Variants in CH25H observed in about 807,000 individuals in gnomAD.
CH25H encodes cholesterol 25-monooxygenase.
In CH25H, 10 loss-of-function variants were observed where a neutral mutation model predicts 16.6. The observed-to-expected ratio is 0.60, with a 90% CI of 0.37 to 1.02. The LOEUF is 1.02. Among genes scored for constraint, CH25H ranks in the 50% least tolerant of loss-of-function variants. CH25H has a pLI of 0.01. For missense variants in CH25H, 326 were observed against 344.7 expected, an observed-to-expected ratio of 0.95 and a Z score of 0.43; for synonymous variants, 178 against 158.8, an observed-to-expected ratio of 1.12 and a Z score of -0.91.
rs1343304336 is a variant in CH25H, at chr10:89,206,391, AATAT to A, written c.*79_*82del. 3.1e-5 allele frequency: 33 copies of A among 1,068,248 alleles called. No individual in the cohort carries two copies. Among genetic ancestry groups the A allele is most frequent in the Non-Finnish European group, 4.2e-5 (31 of 743,942 alleles). The allele number at this position is 1,068,248 out of a possible 1,614,324, so 66.2% of individuals were successfully genotyped here. ...AGCAATAAGTTAGTTGCTTTAAAAA[AATAT>A]ATAGCTCAGGTGTTTCTCTTCATTC... On this transcript the variant is annotated 3_prime_UTR_variant, in exon 1 of 1. Coordinates refer to ENST00000371852, the MANE Select transcript of CH25H (RefSeq NM_003956.4).
rs1272002331 is a variant in CH25H, at chr10:89,206,795, C to A, written c.498G>T (p.Ser166=). The A allele has an allele frequency of 1.2e-6, 2 of 1,614,092 alleles. No homozygotes were observed. Among genetic ancestry groups the A allele is most frequent in the African/African-American group, 2.7e-5 (2 of 74,934 alleles). The part of the protein sequence containing the change: ...FHKVHHQNSS[S]FALATQYMSV... Reference sequence around the variant, plus strand: ...TCATATACTGCGTTGCCAGCGCGAACGAGGACGAGTTCTGGTGGTGCACCT... The same window carrying A: ...TCATATACTGCGTTGCCAGCGCGAAAGAGGACGAGTTCTGGTGGTGCACCT... Residue 166 remains serine, a synonymous_variant, in exon 1 of 1, where the codon TCG becomes TCT. Coordinates refer to ENST00000371852, the MANE Select transcript of CH25H (RefSeq NM_003956.4).
chr10:89,206,201 T>C lies in CH25H; in HGVS notation c.*273A>G, dbSNP rs544674398. On this transcript the variant is annotated 3_prime_UTR_variant, in exon 1 of 1. Coordinates refer to ENST00000371852, the MANE Select transcript of CH25H (RefSeq NM_003956.4). ...TTTAGAGATATTCTAAATATGCCAG[T>C]GATGAATGTCTAATTCATATGCAGG... 60 of 382,780 alleles carry C rather than the reference T, an allele frequency of 1.6e-4. No homozygotes were observed. The highest frequency in any genetic ancestry group is 1.1e-3 in the African/African-American group (57 of 49,796). 23.7% of individuals were successfully genotyped at this position (382,780 alleles called of 1,614,324 possible).
In CH25H at chr10:89,206,220, A is replaced by G. The variant is rs770492300; in HGVS notation, c.*254T>C. ...TGCCAGTGATGAATGTCTAATTCAT[A>G]TGCAGGATTCAAGGCTATTGAGGTG... On this transcript the variant is annotated 3_prime_UTR_variant, in exon 1 of 1. Coordinates refer to ENST00000371852, the MANE Select transcript of CH25H (RefSeq NM_003956.4). 1.1e-5 allele frequency: 5 copies of G among 450,302 alleles called. No homozygotes were observed. Among genetic ancestry groups the G allele is most frequent in the Non-Finnish European group, 1.6e-5 (4 of 248,702 alleles). The allele number at this position is 450,302 out of a possible 1,614,324, so 27.9% of individuals were successfully genotyped here.
In CH25H at chr10:89,206,781, G is replaced by C; in HGVS notation, c.512C>G (p.Thr171Arg). Residue 171 changes from threonine to arginine, a missense_variant, in exon 1 of 1, where the codon ACG becomes AGG. Physicochemically the swap from Thr to Arg is moderately conservative, Grantham distance 71. Transcript: ENST00000371852. ...CAGTTCCCAGACGCTCATATACTGC[G>C]TTGCCAGCGCGAACGAGGACGAGTT... is the stretch of plus-strand genomic sequence containing the variant. ...HQNSSSFALA[T>R]QYMSVWELFS... The C allele has an allele frequency of 6.2e-7, 1 of 1,614,246 alleles. No individual in the cohort carries two copies. Among genetic ancestry groups the C allele is most frequent in the Non-Finnish European group, 8.5e-7 (1 of 1,180,028 alleles).
At position 89,206,873 on chromosome 10, in the gene CH25H, G is replaced by C. The variant is rs147897046; in HGVS notation, c.420C>G (p.Phe140Leu). The change falls in exon 1 of 1, where the codon TTC becomes TTG. Residue 140 changes from phenylalanine to leucine, a missense_variant. Transcript: ENST00000371852. Reference protein sequence around the residue: ...FCLLLFDMEFFVWHLLHHKVP... With the variant: ...FCLLLFDMEFLVWHLLHHKVP... ...CCTTGTGGTGCAGCAGGTGCCACAC[G>C]AAGAACTCCATGTCGAAGAGTAGCA... 6.2e-6 allele frequency: 10 copies of C among 1,614,246 alleles called. No individual in the cohort carries two copies. The South Asian group carries it at 1.1e-4, about 18-fold the overall frequency.
chr10:89,207,020 G>T lies in CH25H; in HGVS notation c.273C>A (p.Thr91=). The T allele has an allele frequency of 6.2e-7, 1 of 1,614,170 alleles. No individual in the cohort carries two copies. The highest frequency in any genetic ancestry group is 8.5e-7 in the Non-Finnish European group (1 of 1,180,028). Residue 91 remains threonine (T), a synonymous_variant, in exon 1 of 1, where the codon ACC becomes ACA. Transcript: ENST00000371852. ...AQQLLPCLGQ[T]LYQHVMFVFP... ...ACACAAACATCACATGCTGGTAGAG[G>T]GTCTGCCCCAGGCAAGGTAGCAGCT...
Position 89,206,485 on chromosome 10 carries a change from G to GGACAGATGCAGTCCGCA in CH25H, c.791_807dup (p.Pro270CysfsTer28). On this transcript the variant is annotated frameshift_variant, in exon 1 of 1. Coordinates refer to ENST00000371852, the MANE Select transcript of CH25H (RefSeq NM_003956.4). LOFTEE classifies it high-confidence loss of function. Reference sequence around the variant, plus strand: ...CCACCGCAGCCACATCACCGCGCTGGGACAGATGCAGTCCGCAGCGTTCCC... The same window carrying GGACAGATGCAGTCCGCA: ...CCACCGCAGCCACATCACCGCGCTGGGACAGATGCAGTCCGCAGACAGATGCAGTCCGCAGCGTTCCC... 6.2e-7 allele frequency: 1 copy of GGACAGATGCAGTCCGCA among 1,608,826 alleles called. No homozygotes were observed. Among genetic ancestry groups the GGACAGATGCAGTCCGCA allele is most frequent in the Non-Finnish European group, 8.5e-7 (1 of 1,177,098 alleles).
At position 89,207,040 on chromosome 10, in the gene CH25H, G is replaced by C; in HGVS notation, c.253C>G (p.Leu85Val). 2 of 1,614,138 alleles carry C rather than the reference G, an allele frequency of 1.2e-6. No individual in the cohort carries two copies. The highest frequency in any genetic ancestry group is 1.7e-6 in the Non-Finnish European group (2 of 1,180,002). Residue 85 changes from leucine (L) to valine (V), a missense_variant, in exon 1 of 1, where the codon CTA becomes GTA. By Grantham distance (32) the Leu-to-Val change is conservative. Transcript: ENST00000371852. ...TAGAGGGTCTGCCCCAGGCAAGGTA[G>C]CAGCTGCTGCGCGGATGGCGAGAAG... ...PDFSPSAQQL[L>V]PCLGQTLYQH... is the part of the protein sequence containing the mutation.
rs1177793395 is a variant in CH25H at position 89,207,147 on chromosome 10, A to T, written c.146T>A (p.Val49Glu). ...GACCACGAAGGGCAGGCAAAAGCCC[A>T]CGTATGTGGTGATGGAGAAGATGAC... is the stretch of plus-strand genomic sequence containing the variant. ...FPVIFSITTYVGFCLPFVVLD... is the reference protein window; with the variant it reads ...FPVIFSITTYEGFCLPFVVLD... The change falls in exon 1 of 1, where the codon GTG becomes GAG. Residue 49 changes from valine (V) to glutamate (E), a missense_variant. Coordinates refer to ENST00000371852, the MANE Select transcript of CH25H (RefSeq NM_003956.4). 2 of 1,613,246 alleles carry T rather than the reference A, an allele frequency of 1.2e-6. No homozygotes were observed. The highest frequency in any genetic ancestry group is 2.2e-5 in the East Asian group (1 of 44,882).
Position 89,206,937 on chromosome 10 carries a change from G to A in CH25H, c.356C>T (p.Pro119Leu). 6.2e-7 allele frequency: 1 copy of A among 1,614,190 alleles called. No individual in the cohort carries two copies. Among genetic ancestry groups the A allele is most frequent in the Non-Finnish European group, 8.5e-7 (1 of 1,180,020 alleles). ...GTGGTGCAGCAGCAGGAGCAGCTCG[G>A]GAGCTTCGTGGGGCAGGAGGGCCGG... ...RSPALLPHEAPELLLLLHHIL... is the reference protein window; with the variant it reads ...RSPALLPHEALELLLLLHHIL... The change falls in exon 1 of 1, where the codon CCC (proline) becomes CTC (leucine). Residue 119 changes from proline to leucine, a missense_variant. Transcript: ENST00000371852.
Position 89,207,003 on chromosome 10 carries a change from A to T in CH25H, c.290T>A (p.Met97Lys). 3 of 1,614,112 alleles carry T rather than the reference A, an allele frequency of 1.9e-6. No homozygotes were observed. The highest frequency in any genetic ancestry group is 2.5e-6 in the Non-Finnish European group (3 of 1,180,000). Residue 97 changes from methionine to lysine, a missense_variant, in exon 1 of 1, where the codon ATG becomes AAG. Transcript: ENST00000371852. ...CAGCAGCGTCACGGGGAACACAAAC[A>T]TCACATGCTGGTAGAGGGTCTGCCC... is the stretch of plus-strand genomic sequence containing the variant. ...CLGQTLYQHV[M>K]FVFPVTLLHW...
rs1842510559 is a variant in CH25H, at chr10:89,206,857, G to T, written c.436C>A (p.His146Asn). Residue 146 changes from histidine to asparagine, a missense_variant, in exon 1 of 1, where the codon CAC becomes AAC. Physicochemically the swap from His to Asn is moderately conservative, Grantham distance 68. Transcript: ENST00000371852. ...DMEFFVWHLL[H>N]HKVPWLYRTF... Reference sequence around the variant, plus strand: ...CGGTACAGCCAGGGCACCTTGTGGTGCAGCAGGTGCCACACGAAGAACTCC... The same window carrying T: ...CGGTACAGCCAGGGCACCTTGTGGTTCAGCAGGTGCCACACGAAGAACTCC... 6.2e-7 allele frequency: 1 copy of T among 1,614,130 alleles called. No individual in the cohort carries two copies. The highest frequency in any genetic ancestry group is 1.3e-5 in the African/African-American group (1 of 74,950).
chr10:89,206,782 T>A lies in CH25H; in HGVS notation c.511A>T (p.Thr171Ser). 1 of 1,614,230 alleles carries A rather than the reference T, an allele frequency of 6.2e-7. No homozygotes were observed. Among genetic ancestry groups the A allele is most frequent in the Non-Finnish European group, 8.5e-7 (1 of 1,180,028 alleles). The change falls in exon 1 of 1, where the codon ACG becomes TCG. Residue 171 changes from threonine to serine, a missense_variant. Thr to Ser is a moderately conservative substitution (Grantham distance 58). Transcript: ENST00000371852. ...AGTTCCCAGACGCTCATATACTGCG[T>A]TGCCAGCGCGAACGAGGACGAGTTC... ...HQNSSSFALA[T>S]QYMSVWELFS...
Position 89,205,933 on chromosome 10 carries a change from A to G in CH25H, c.*541T>C, listed in dbSNP as rs1333940721. The G allele has an allele frequency of 6.5e-6, 1 of 153,882 alleles. No homozygotes were observed. Among genetic ancestry groups the G allele is most frequent in the Admixed American group, 6.4e-5 (1 of 15,650 alleles). 9.5% of individuals were successfully genotyped at this position (153,882 alleles called of 1,614,324 possible). A position where few individuals can be genotyped will look rare whatever the true frequency, so the allele number is the denominator to read the frequency against. ...CAAAATACCAGTGAAACGGAAGTCA[A>G]TACTTATTTGATTCATGGTTTTTTT... On this transcript the variant is annotated 3_prime_UTR_variant, in exon 1 of 1. Transcript: ENST00000371852.
chr10:89,206,454 G>T lies in CH25H; in HGVS notation c.*20C>A. 1 of 1,581,480 alleles carries T rather than the reference G, an allele frequency of 6.3e-7. No individual in the cohort carries two copies. ...AAGGCACAGCAGTCCCGAGTCTTAG[G>T]GGCACCCACCGCAGCCACATCACCG... On this transcript the variant is annotated 3_prime_UTR_variant, in exon 1 of 1. Transcript: ENST00000371852.
chr10:89,206,329 A>G lies in CH25H; in HGVS notation c.*145T>C, dbSNP rs989275670. 3 of 651,916 alleles carry G rather than the reference A, an allele frequency of 4.6e-6. No homozygotes were observed. Among genetic ancestry groups the G allele is most frequent in the East Asian group, 2.7e-5 (1 of 36,458 alleles). The allele number at this position is 651,916 out of a possible 1,614,324, so 40.4% of individuals were successfully genotyped here. Reference sequence around the variant, plus strand: ...TTACTTTGTCAGATTACAAAAATGCATCAGATTTTATCTATGGTTTTCATA... The same window carrying G: ...TTACTTTGTCAGATTACAAAAATGCGTCAGATTTTATCTATGGTTTTCATA... On this transcript the variant is annotated 3_prime_UTR_variant, in exon 1 of 1. Transcript: ENST00000371852.
chr10:89,207,098 C>A lies in CH25H; in HGVS notation c.195G>T (p.Val65=), dbSNP rs777357221. The change falls in exon 1 of 1, where the codon GTG becomes GTT. Residue 65 remains valine, a synonymous_variant. Transcript: ENST00000371852. The stretch of plus-strand genomic sequence containing the variant: ...GGATCTTGTAGCGCCGCAGGGCGGG[C>A]ACCCAGGAGCACAGGATATCCAGGA... The part of the protein sequence containing the change: ...FVVLDILCSW[V]PALRRYKIHP... The A allele has an allele frequency of 3.7e-6, 6 of 1,613,730 alleles. No homozygotes were observed. The Admixed American group carries it at 8.3e-5, about 22-fold the overall frequency.
Position 89,206,427 on chromosome 10 carries a change from GA to G in CH25H, c.*46del. ...CAGGTGTTTCTCTTCATTCAAGTGT[GA>G]AAGGCACAGCAGTCCCGAGTCTTAG... On this transcript the variant is annotated 3_prime_UTR_variant, in exon 1 of 1. Transcript: ENST00000371852. 1 of 1,427,164 alleles carries G rather than the reference GA, an allele frequency of 7.0e-7. No homozygotes were observed. The highest frequency in any genetic ancestry group is 9.7e-7 in the Non-Finnish European group (1 of 1,032,178). The allele number at this position is 1,427,164 out of a possible 1,614,324, so 88.4% of individuals were successfully genotyped here. A position where few individuals can be genotyped will look rare whatever the true frequency, so the allele number is the denominator to read the frequency against.
chr10:89,207,300 C>T lies in CH25H; in HGVS notation c.-8G>A, dbSNP rs371463197. 12 of 1,555,746 alleles carry T rather than the reference C, an allele frequency of 7.7e-6. No individual in the cohort carries two copies. The highest frequency in any genetic ancestry group is 1.0e-5 in the Non-Finnish European group (12 of 1,150,652). On this transcript the variant is annotated 5_prime_UTR_variant, in exon 1 of 1. Coordinates refer to ENST00000371852, the MANE Select transcript of CH25H (RefSeq NM_003956.4). ...GCAGTTGTGGCAGCTCATTGCGAGG[C>T]TGTGCAAGGCAGCTGAGGCTGCTGC...
Sources: gnomAD v4.1 joint callset for allele counts on GRCh38, gnomAD v4.1.1 for gene constraint, MANE v1.5 for transcripts, NCBI Gene and HGNC (gene_info 2026-07-23, HGNC 2026-07-21) for gene names.